The following PAX5 variants were observed in gnomAD, a reference collection of about 807,000 sequenced individuals.
PAX5 encodes the protein paired box 5.
In PAX5, 9 loss-of-function variants were observed where a neutral mutation model predicts 43.7. That is an observed-to-expected ratio of 0.21 (90% CI 0.12 to 0.36). The LOEUF is 0.36. Ranked by LOEUF, PAX5 falls within the 10% of genes least tolerant of loss-of-function variation. PAX5 has a pLI of 1.00. For missense variants in PAX5, 383 were observed against 532.7 expected (o/e 0.72, Z 2.77); for synonymous variants, 228 against 214.3 (o/e 1.06, Z -0.56).
At chr9:36,865,001 G>A (rs946678947) in intron 8 of PAX5, among the ~76,000 whole-genome samples, 4 of 152,352 alleles carry the variant, frequency 2.6e-5, no homozygotes, top group Admixed American at 1.3e-4. Context: ...CGGCCTTCCC[G>A]CCCGCGAAGG....
intron 7 of PAX5, among the ~76,000 whole-genome samples, chr9:36,912,402 G>A (rs1339279231): frequency 1.3e-5 from 2 of 152,214 alleles, no homozygotes; most frequent in African/African-American, 4.8e-5. Flanking sequence ...ACTTGCCTGA[G>A]ATCACCCAGC....
At chr9:36,873,363 A>T (rs1465370633) in intron 8 of PAX5, among the ~76,000 whole-genome samples, 1 of 152,232 alleles carries the variant, frequency 6.6e-6, no homozygotes, top group Non-Finnish European at 1.5e-5. Context: ...TGGAGAATGA[A>T]TGAATGAACA....
intron 6 of PAX5, among the ~76,000 whole-genome samples, chr9:36,928,250 C>G (rs976801807): frequency 1.3e-5 from 2 of 152,198 alleles, no homozygotes; most frequent in Non-Finnish European, 2.9e-5. Flanking sequence ...ATTGCTACAC[C>G]ACAGCTCCTC....
At chr9:36,933,710 G>A (rs901680456) in intron 6 of PAX5, among the ~76,000 whole-genome samples, 5 of 152,236 alleles carry the variant, frequency 3.3e-5, no homozygotes, top group African/African-American at 7.2e-5. Flanking sequence ...AATGCCCTGC[G>A]TTCTTTAAAC....
intron 1 of PAX5, among the ~76,000 whole-genome samples, chr9:37,029,530 C>T (rs945821578): frequency 3.9e-5 from 6 of 152,224 alleles, no homozygotes; most frequent in African/African-American, 1.4e-4. Flanking sequence ...CCCCTTTCAC[C>T]CCCGGCCTTG....
chr9:36,898,695 AAC>A (rs1462103688), intron 7 of PAX5, among the ~76,000 whole-genome samples: 1 of 152,300 alleles, frequency 6.6e-6, no homozygotes, highest in African/African-American at 2.4e-5. Flanking sequence ...CCGCTCTCCG[AAC>A]ACCAGCAGGA....
At chr9:36,987,637 G>C (rs749359139) in intron 5 of PAX5, among the ~76,000 whole-genome samples, 1 of 152,196 alleles carries the variant, frequency 6.6e-6, no homozygotes, top group African/African-American at 2.4e-5. Flanking sequence ...GGCTCTGCTC[G>C]TTCCCTCTCC....
At chr9:37,016,895 A>G (rs1166884427) in intron 2 of PAX5, among the ~76,000 whole-genome samples, 1 of 152,226 alleles carries the variant, frequency 6.6e-6, no homozygotes, top group Non-Finnish European at 1.5e-5. Context: ...AATACTTTGG[A>G]AGCAGTGATG....
intron 5 of PAX5, among the ~76,000 whole-genome samples, chr9:36,976,594 G>A (rs1835448851): frequency 6.6e-6 from 1 of 151,728 alleles, no homozygotes; most frequent in Admixed American, 6.6e-5. Context: ...TCTAAATCCT[G>A]TCCTAAACTG....
At chr9:37,026,771 T>C (rs950886691) in intron 1 of PAX5, 1 of 968,914 alleles carries the variant, frequency 1.0e-6, no homozygotes, top group Admixed American at 6.2e-5. Context: ...AGGCGGGAAA[T>C]GGTGCTAGCG....
chr9:36,961,540 C>T (rs901001278), intron 6 of PAX5, among the ~76,000 whole-genome samples: 4 of 152,208 alleles, frequency 2.6e-5, no homozygotes, highest in African/African-American at 9.6e-5. Context: ...TGATTTATCA[C>T]CTGAATAATT....
At chr9:37,002,873 G>A in intron 4 of PAX5, 97 bp from the exon 5 acceptor site, 1 of 1,436,044 alleles carries the variant, frequency 7.0e-7, no homozygotes, top group Non-Finnish European at 9.4e-7. Context: ...GGGAGGGAGC[G>A]AGCGCAGGGT....
At chr9:36,970,078 C>T (rs1834806629) in intron 5 of PAX5, among the ~76,000 whole-genome samples, 1 of 152,148 alleles carries the variant, frequency 6.6e-6, no homozygotes, top group South Asian at 2.1e-4. Context: ...TCTCTCCAGT[C>T]TAGAGAGGGC....
chr9:36,968,974 C>T (rs1420268918), intron 5 of PAX5, among the ~76,000 whole-genome samples: 1 of 152,190 alleles, frequency 6.6e-6, no homozygotes, highest in Non-Finnish European at 1.5e-5. Context: ...TCAGTTTTTC[C>T]TACTCAGCTG....
chr9:36,914,669 G>C (rs766510039), intron 7 of PAX5, among the ~76,000 whole-genome samples: 1 of 152,106 alleles, frequency 6.6e-6, no homozygotes, highest in Non-Finnish European at 1.5e-5. Context: ...GAGAGTAAAG[G>C]GGCACTGTGA....
At chr9:36,967,065 T>C (rs758480369) in intron 5 of PAX5, among the ~76,000 whole-genome samples, 1 of 152,224 alleles carries the variant, frequency 6.6e-6, no homozygotes, top group Non-Finnish European at 1.5e-5. Flanking sequence ...GCCTGAGGAT[T>C]CGAGCTTGGG....
rs1278304471 is a variant in PAX5 at position 37,015,637 on chromosome 9, T to C, written c.213-443A>G. Among the ~76,000 whole-genome samples, 1 of 151,974 alleles carries C rather than the reference T, an allele frequency of 6.6e-6. No individual in the cohort carries two copies. Among genetic ancestry groups the C allele is most frequent in the Non-Finnish European group, 1.5e-5 (1 of 67,996 alleles). On this transcript the variant is annotated intron_variant, in intron 2 of 9. Transcript: ENST00000358127. The surrounding 1 kb of genome is among the most constrained non-coding windows in gnomAD (Gnocchi z 4.4). ...TCTTGTTGCCCAGGCTGGAATGCAA[T>C]GGCGTGATCTTGGCTCACTGCAACC... is the stretch of plus-strand genomic sequence containing the variant.
chr9:36,882,093 G>C lies in PAX5; in HGVS notation c.923C>G (p.Ala308Gly), dbSNP rs35077960. Residue 308 changes from alanine (A) to glycine (G), a missense_variant, in exon 8 of 10, where the codon GCG becomes GGG. By Grantham distance (60) the Ala-to-Gly change is moderately conservative (BLOSUM62 0). Transcript: ENST00000358127. The surrounding 1 kb of genome is among the most constrained non-coding windows in gnomAD (Gnocchi z 4.4). ...SYPIVTGRDL[A>G]STTLPGYPPH... ...AGGGTACCCGGGGAGGGTCGTGCTC[G>C]CCAAGTCACGGCCTGAGGAATCAAA... The C allele has an allele frequency of 6.3e-7, 1 of 1,595,042 alleles. No homozygotes were observed.
chr9:36,930,102 T>C, intron 6 of PAX5, among the ~76,000 whole-genome samples: 1 of 152,054 alleles, frequency 6.6e-6, no homozygotes, highest in Non-Finnish European at 1.5e-5. Flanking sequence ...AGACACCATG[T>C]TCTAGATGAT....
Sources: gnomAD v4.1 joint callset for allele counts (sites outside exome capture counted in the v4.1 genomes callset) on GRCh38, gnomAD v4.1.1 for gene constraint, Gnocchi (gnomAD v3.1) non-coding constraint, MANE v1.5 for transcripts, NCBI Gene and HGNC (gene_info 2026-07-23, HGNC 2026-07-21) for gene names.